The following KLHDC10 variants were observed in gnomAD, a reference collection of about 807,000 sequenced individuals.
The protein encoded by KLHDC10 is kelch domain-containing protein 10.
Under a neutral mutation model 56.1 loss-of-function variants are expected in KLHDC10, and 24 were observed. That is an observed-to-expected ratio of 0.43 (90% CI 0.31 to 0.60). The LOEUF is 0.60. KLHDC10 is among the 20% of genes least tolerant of loss of function. KLHDC10 has a pLI of 0.11. For synonymous variants in KLHDC10, 188 were observed against 207.1 expected (o/e 0.91, Z 0.79); for missense variants, 349 against 567.0 (o/e 0.62, Z 3.91).
intron 2 of KLHDC10, among the ~76,000 whole-genome samples, chr7:130,101,438 C>A (rs866477032): frequency 1.7e-4 from 26 of 152,138 alleles, no homozygotes; most frequent in African/African-American, 6.3e-4. Context: ...TTCTTAAACT[C>A]TAAGCATAGA....
At position 130,130,912 on chromosome 7, in the gene KLHDC10, C is replaced by T. The variant is rs1796391917; in HGVS notation, c.*166C>T. ...GTAAATTGGTTTTTCAGTTTATGGACATCTCACTTTCCCACGTGCTTCCTT... is the reference window on the plus strand; with the variant it reads ...GTAAATTGGTTTTTCAGTTTATGGATATCTCACTTTCCCACGTGCTTCCTT... On this transcript the variant is annotated 3_prime_UTR_variant, in exon 10 of 10. Coordinates refer to ENST00000335420, the MANE Select transcript of KLHDC10 (RefSeq NM_014997.4). The surrounding 1 kb of genome is among the most constrained non-coding windows in gnomAD (Gnocchi z 4.2). 1.6e-6 allele frequency: 1 copy of T among 630,708 alleles called. No homozygotes were observed. 39.1% of individuals were successfully genotyped at this position (630,708 alleles called of 1,614,324 possible).
At chr7:130,080,535 G>A (rs188682560) in intron 1 of KLHDC10, among the ~76,000 whole-genome samples, 1,774 of 151,874 alleles carry the variant, frequency 0.012, 19 homozygotes, top group South Asian at 0.034. Context: ...TGGGACTACA[G>A]GTGTACACCA....
At chr7:130,100,753 T>C (rs751829261) in intron 2 of KLHDC10, among the ~76,000 whole-genome samples, 2 of 152,200 alleles carry the variant, frequency 1.3e-5, no homozygotes, top group Admixed American at 6.5e-5. Context: ...TTGGTTCAGA[T>C]TGTAGACAGT....
intron 3 of KLHDC10, among the ~76,000 whole-genome samples, chr7:130,117,949 G>T (rs1371563319): frequency 6.6e-6 from 1 of 151,548 alleles, no homozygotes; most frequent in African/African-American, 2.4e-5. Context: ...CGGATCATGA[G>T]GTCAGGAGTT....
chr7:130,126,507 C>A (rs965220376), intron 7 of KLHDC10, among the ~76,000 whole-genome samples: 4 of 151,786 alleles, frequency 2.6e-5, no homozygotes, highest in Non-Finnish European at 5.9e-5. Context: ...GAAACCCCAT[C>A]TCTACTAAAA....
intron 1 of KLHDC10, among the ~76,000 whole-genome samples, chr7:130,093,292 CCTCCTGGGCTCAAGCAGTT>C (rs1430244610): frequency 6.6e-6 from 1 of 152,090 alleles, no homozygotes; most frequent in Non-Finnish European, 1.5e-5. Flanking sequence ...GCAACCTCTG[CCTCCTGGGCTCAAGCAGTT>C]CTCCTGCCCT....
At position 130,130,652 on chromosome 7, in the gene KLHDC10, A is replaced by G; in HGVS notation, c.1235A>G (p.Lys412Arg). 1 of 1,614,196 alleles carries G rather than the reference A, an allele frequency of 6.2e-7. No individual in the cohort carries two copies. Among genetic ancestry groups the G allele is most frequent in the Non-Finnish European group, 8.5e-7 (1 of 1,180,044 alleles). The part of the protein sequence containing the change: ...VPSLLELAWE[K>R]LLAAFPNLAN... ...AGCCTGCTGGAACTGGCATGGGAGA[A>G]GCTGCTTGCGGCCTTCCCTAACCTT... The change falls in exon 10 of 10, where the codon AAG becomes AGG. Residue 412 changes from lysine (K) to arginine (R), a missense_variant. Lys to Arg is a conservative substitution (Grantham distance 26). Transcript: ENST00000335420. This position sits in a 1 kb window ranked among gnomAD's most constrained non-coding sequence, Gnocchi z 4.2.
intron 2 of KLHDC10, among the ~76,000 whole-genome samples, chr7:130,115,016 C>T (rs762323306): frequency 4.6e-5 from 7 of 152,068 alleles, no homozygotes; most frequent in Non-Finnish European, 7.4e-5. Flanking sequence ...ACGTGAGTGA[C>T]TCAGTGATTC....
At chr7:130,106,094 C>A (rs7786290) in intron 2 of KLHDC10, among the ~76,000 whole-genome samples, 17,152 of 152,012 alleles carry the variant, frequency 0.11, 1,065 homozygotes, top group Middle Eastern at 0.19. Context: ...GGCAGTGAGC[C>A]AAGATCACGC....
At chr7:130,122,308 T>A in intron 5 of KLHDC10, 106 bp downstream of exon 5, 2 of 1,042,066 alleles carry the variant, frequency 1.9e-6, no homozygotes, top group Non-Finnish European at 2.7e-6. Flanking sequence ...TTAGAATAAC[T>A]AACTGGCTGT....
At chr7:130,101,842 C>T (rs561285844) in intron 2 of KLHDC10, among the ~76,000 whole-genome samples, 25 of 151,858 alleles carry the variant, frequency 1.6e-4, no homozygotes, top group African/African-American at 5.1e-4. Flanking sequence ...TGGTAGCAGG[C>T]GCTTGTAGTC....
intron 2 of KLHDC10, among the ~76,000 whole-genome samples, chr7:130,113,135 A>G (rs1796123067): frequency 1.3e-5 from 2 of 152,172 alleles, no homozygotes; most frequent in African/African-American, 4.8e-5. Context: ...AGTATTTTAC[A>G]TGTAAAGCAC....
chr7:130,105,650 A>T (rs1415449979), intron 2 of KLHDC10, among the ~76,000 whole-genome samples: 5 of 152,176 alleles, frequency 3.3e-5, no homozygotes, highest in Non-Finnish European at 5.9e-5. Context: ...TGCCCTAAAA[A>T]TCAGGAAGTA....
Position 130,091,474 on chromosome 7 carries a change from A to G in KLHDC10, c.167-5447A>G, listed in dbSNP as rs374628670. On this transcript the variant is annotated intron_variant, in intron 1 of 9. Coordinates refer to ENST00000335420, the MANE Select transcript of KLHDC10 (RefSeq NM_014997.4). ...ATGAGACCTTTGGTTACTTCTATCA[A>G]TTTGACTTGGCAATTGGCTCTTAAA... Among the ~76,000 whole-genome samples, 22 of 152,324 alleles carry G rather than the reference A, an allele frequency of 1.4e-4. No homozygotes were observed. The East Asian group carries it at 3.9e-3, about 27-fold the overall frequency.
intron 8 of KLHDC10, among the ~76,000 whole-genome samples, chr7:130,128,021 T>A (rs1353283792): frequency 2.0e-5 from 3 of 152,256 alleles, no homozygotes; most frequent in African/African-American, 7.2e-5. Context: ...TATTTCATCG[T>A]CTGATATAGC....
chr7:130,089,078 A>G (rs1795734359), intron 1 of KLHDC10, among the ~76,000 whole-genome samples: 1 of 152,182 alleles, frequency 6.6e-6, no homozygotes, highest in Admixed American at 6.5e-5. Context: ...TGCAGGCAAG[A>G]TGTTTGGTAA....
intron 1 of KLHDC10, among the ~76,000 whole-genome samples, chr7:130,093,005 T>C (rs1259476918): frequency 1.4e-5 from 2 of 146,144 alleles, no homozygotes; most frequent in Admixed American, 7.0e-5. Flanking sequence ...TTTAATTATG[T>C]CTTTTTTTTT....
In KLHDC10 at chr7:130,077,360, A is replaced by AC. The variant is rs1218996766; in HGVS notation, c.166+6551_166+6552insC. ...CTGAACAAGACTCTGTCTCAAAAAA[A>AC]AAAAAAAAAAAAAAAAAAAAAACAG... On this transcript the variant is annotated intron_variant, in intron 1 of 9. Coordinates refer to ENST00000335420, the MANE Select transcript of KLHDC10 (RefSeq NM_014997.4). 4.1e-5 allele frequency among the ~76,000 whole-genome samples: 6 copies of AC among 147,012 alleles called. No homozygotes were observed. The East Asian group carries it at 1.2e-3, about 29-fold the overall frequency.
At position 130,076,621 on chromosome 7, in the gene KLHDC10, C is replaced by T. The variant is rs1188322096; in HGVS notation, c.166+5812C>T. ...TTTAAGTTAAATGCACTTACCCACA[C>T]AAAATGTAAGTTAAATAAAGTGTCG... is the stretch of plus-strand genomic sequence containing the variant. On this transcript the variant is annotated intron_variant, in intron 1 of 9. Coordinates refer to ENST00000335420, the MANE Select transcript of KLHDC10 (RefSeq NM_014997.4). Among the ~76,000 whole-genome samples, 26 of 152,150 alleles carry T rather than the reference C, an allele frequency of 1.7e-4. 1 individual carries two copies. Among genetic ancestry groups the T allele is most frequent in the Admixed American group, 1.7e-3 (26 of 15,264 alleles).
Sources: allele counts gnomAD v4.1 joint callset (sites outside exome capture counted in the v4.1 genomes callset), GRCh38; gene constraint gnomAD v4.1.1; non-coding constraint Gnocchi (gnomAD v3.1); transcripts MANE v1.5; gene names NCBI Gene and HGNC (gene_info 2026-07-23, HGNC 2026-07-21).